Variants in HECW2 observed in about 807,000 individuals in gnomAD.
The protein encoded by HECW2 is E3 ubiquitin-protein ligase HECW2.
Under a neutral mutation model 175.2 loss-of-function variants are expected in HECW2, and 61 were observed. The ratio of observed to expected loss-of-function variants is 0.35; its 90% CI spans 0.28 to 0.43. The LOEUF (loss-of-function observed/expected upper bound fraction) is 0.43, where lower values mean the gene tolerates loss of function less well. HECW2 is among the 20% of genes least tolerant of loss of function. The pLI is 1.00. For missense variants in HECW2, 1,524 were observed against 2,000.5 expected (o/e 0.76, Z 4.54); for synonymous variants, 671 against 731.0 (o/e 0.92, Z 1.32).
intron 2 of HECW2, among the ~76,000 whole-genome samples, chr2:196,392,702 G>A (rs1694550296): frequency 6.6e-6 from 1 of 152,010 alleles, no homozygotes; most frequent in South Asian, 2.1e-4. Context: ...AAATGCAAAA[G>A]CAATACAAAT....
At chr2:196,543,284 AT>A (rs556337559) in intron 1 of HECW2, among the ~76,000 whole-genome samples, 2 of 151,168 alleles carry the variant, frequency 1.3e-5, no homozygotes, top group South Asian at 4.2e-4. Flanking sequence ...TTAGATATAT[AT>A]TTTTATATAT....
intron 1 of HECW2, among the ~76,000 whole-genome samples, chr2:196,508,259 A>T (rs1181865152): frequency 6.6e-6 from 1 of 152,256 alleles, no homozygotes; most frequent in Non-Finnish European, 1.5e-5. Flanking sequence ...GGGAGAAAAG[A>T]ACAGTTAATA....
At chr2:196,499,576 A>G (rs1276012866) in intron 1 of HECW2, among the ~76,000 whole-genome samples, 4 of 152,288 alleles carry the variant, frequency 2.6e-5, no homozygotes, top group Middle Eastern at 3.4e-3. Context: ...TTTTCTTAGC[A>G]TCTACAGATA....
At chr2:196,401,967 G>A (rs1180980311) in intron 2 of HECW2, among the ~76,000 whole-genome samples, 1 of 152,052 alleles carries the variant, frequency 6.6e-6, no homozygotes, top group Non-Finnish European at 1.5e-5. Context: ...TTGGGAGGCT[G>A]AGGCGGGCGG....
intron 1 of HECW2, among the ~76,000 whole-genome samples, chr2:196,557,154 G>C (rs1396831687): frequency 1.3e-5 from 2 of 152,146 alleles, no homozygotes; most frequent in African/African-American, 4.8e-5. Flanking sequence ...CCAGCACTTT[G>C]GGAGCCCGAG....
At chr2:196,313,021 G>A (rs566750797) in intron 10 of HECW2, among the ~76,000 whole-genome samples, 2 of 152,134 alleles carry the variant, frequency 1.3e-5, no homozygotes, top group African/African-American at 4.8e-5. Context: ...AGTAATAGAC[G>A]AGTCCTAACA....
At chr2:196,480,378 C>T (rs1288058476) in intron 1 of HECW2, among the ~76,000 whole-genome samples, 2 of 152,202 alleles carry the variant, frequency 1.3e-5, no homozygotes, top group African/African-American at 2.4e-5. Flanking sequence ...GGTGAGACAA[C>T]CTGACTTCTA....
chr2:196,262,860 GTCC>G (rs1347699123), intron 17 of HECW2, among the ~76,000 whole-genome samples: 3 of 151,972 alleles, frequency 2.0e-5, no homozygotes, highest in Non-Finnish European at 4.4e-5. Context: ...TGCTCAGCCC[GTCC>G]TCCTTTATCT....
intron 2 of HECW2, among the ~76,000 whole-genome samples, chr2:196,397,217 G>T (rs974694113): frequency 2.6e-5 from 4 of 152,232 alleles, no homozygotes; most frequent in Admixed American, 6.5e-5. Flanking sequence ...AGACAGATTG[G>T]TGTGACAGAG....
chr2:196,519,597 CT>C (rs1688275628), intron 1 of HECW2, among the ~76,000 whole-genome samples: 1 of 152,166 alleles, frequency 6.6e-6, no homozygotes, highest in Admixed American at 6.5e-5. Context: ...CAGTCCACCC[CT>C]GAAGGCAAAA....
chr2:196,263,774 T>C (rs1342273472), intron 17 of HECW2: 1 of 152,186 alleles, frequency 6.6e-6, no homozygotes, highest in Non-Finnish European at 1.5e-5. Flanking sequence ...TAAATAGATA[T>C]AAGTTATCTG....
At chr2:196,288,322 C>T (rs921382794) in intron 14 of HECW2, 5 of 152,188 alleles carry the variant, frequency 3.3e-5, no homozygotes, top group African/African-American at 1.2e-4. Context: ...AGAACAAATC[C>T]ACTCAGACAC....
At chr2:196,207,709 C>T (rs1228582181) in intron 28 of HECW2, among the ~76,000 whole-genome samples, 2 of 152,224 alleles carry the variant, frequency 1.3e-5, no homozygotes, top group African/African-American at 4.8e-5. Context: ...ATATCTCCCA[C>T]AAGGTTCGGC....
chr2:196,308,102 C>A lies in HECW2; in HGVS notation c.2435-17G>T. On this transcript the variant is annotated splice_polypyrimidine_tract_variant and intron_variant, in intron 10 of 28. Transcript: ENST00000644978. Reference sequence around the variant, plus strand: ...CCTCCCAGTCTAAATGGCAGTGAGGCACCGAAAGGAATTAGGAGGAGGAGC... The same window carrying A: ...CCTCCCAGTCTAAATGGCAGTGAGGAACCGAAAGGAATTAGGAGGAGGAGC... 1 of 1,542,792 alleles carries A rather than the reference C, an allele frequency of 6.5e-7. No individual in the cohort carries two copies. Among genetic ancestry groups the A allele is most frequent in the African/African-American group, 1.4e-5 (1 of 73,644 alleles).
chr2:196,334,044 T>C (rs1692461290), intron 4 of HECW2, among the ~76,000 whole-genome samples: 1 of 152,230 alleles, frequency 6.6e-6, no homozygotes, highest in Admixed American at 6.5e-5. Context: ...TTAAGTTGAC[T>C]GGCAGGTAAA....
In HECW2 at chr2:196,468,196, T is replaced by C. The variant is rs1450259393; in HGVS notation, c.-35-34738A>G. Among the ~76,000 whole-genome samples the C allele has an allele frequency of 2.0e-5, 3 of 152,320 alleles. No individual in the cohort carries two copies. In the East Asian group the frequency reaches 5.8e-4, roughly 29 times the overall value. On this transcript the variant is annotated intron_variant, in intron 1 of 28. Transcript: ENST00000644978. ...TTTTAGTAGAGATAGGGTTTTGCCA[T>C]GTTGGCAAGGCTGGTCTCGAACTCC...
chr2:196,547,819 C>T (rs1040284456), intron 1 of HECW2, among the ~76,000 whole-genome samples: 7 of 152,162 alleles, frequency 4.6e-5, no homozygotes, highest in East Asian at 3.9e-4. Flanking sequence ...GGCTAGATTT[C>T]GTCACATGAT....
chr2:196,379,649 C>G (rs1327725584), intron 2 of HECW2, among the ~76,000 whole-genome samples: 1 of 146,544 alleles, frequency 6.8e-6, no homozygotes, highest in African/African-American at 2.6e-5. Context: ...CACACCACTG[C>G]ACTCCAGCCT....
Position 196,500,392 on chromosome 2 carries a change from C to T in HECW2, c.-35-66934G>A, listed in dbSNP as rs368460331. On this transcript the variant is annotated intron_variant, in intron 1 of 28. Transcript: ENST00000644978. ...ACATACATACATGCATACATACATA[C>T]ATACATGCAATCTTACACCATCAAA... Among the ~76,000 whole-genome samples, 26 of 152,222 alleles carry T rather than the reference C, an allele frequency of 1.7e-4. No homozygotes were observed. The East Asian group carries it at 5.0e-3, about 29-fold the overall frequency.
Sources: allele counts gnomAD v4.1 joint callset (sites outside exome capture counted in the v4.1 genomes callset), GRCh38; gene constraint gnomAD v4.1.1; transcripts MANE v1.5; gene names NCBI Gene and HGNC (gene_info 2026-07-23, HGNC 2026-07-21).